HEPH: variants seen among roughly 807,000 people sequenced by gnomAD.
The protein encoded by HEPH is hephaestin.
A neutral mutation model predicts 80.8 loss-of-function variants in HEPH; 69 were observed. The ratio of observed to expected loss-of-function variants is 0.85; its 90% CI spans 0.70 to 1.04. HEPH has a LOEUF of 1.04. HEPH is among the 50% of genes least tolerant of loss of function. The pLI, the probability that HEPH is intolerant of heterozygous loss-of-function variation, is 0.00. For missense variants in HEPH, 1,115 were observed against 891.3 expected (o/e 1.25, Z -3.20); for synonymous variants, 431 against 322.8 (o/e 1.34, Z -3.60).
In HEPH at chrX:66,258,834, T is replaced by G; in HGVS notation, c.2897-6T>G. The G allele has an allele frequency of 3.5e-6, 4 of 1,131,751 alleles. No individual in the cohort carries two copies. Among genetic ancestry groups the G allele is most frequent in the Non-Finnish European group, 3.5e-6 (3 of 859,405 alleles). The allele number at this position is 1,131,751 out of a possible 1,213,427, so 93.3% of individuals were successfully genotyped here. On this transcript the variant is annotated splice_polypyrimidine_tract_variant and splice_region_variant and intron_variant, in intron 17 of 20. Transcript: ENST00000343002. ...TCTTTTCTTTTCTTTTCTTTTTTTT[T>G]GACAGCAATCAATGGGAAACTCTAT...
chrX:66,230,394 A>AGTGTAAG (rs1165466946), intron 15 of HEPH, among the ~76,000 whole-genome samples: 1 of 105,011 alleles, frequency 9.5e-6, no homozygotes, highest in Non-Finnish European at 1.9e-5. Flanking sequence ...TCCCACCAAC[A>AGTGTAAG]GTGTAAGAGT....
chrX:66,206,407 G>A, intron 13 of HEPH, among the ~76,000 whole-genome samples: 1 of 77,889 alleles, frequency 1.3e-5, no homozygotes, highest in Non-Finnish European at 2.3e-5. Flanking sequence ...CTGTTGCCCA[G>A]GCTGGAGTGC....
chrX:66,247,253 T>A (rs1462459001), intron 15 of HEPH, among the ~76,000 whole-genome samples: 1 of 109,942 alleles, frequency 9.1e-6, no homozygotes, highest in Non-Finnish European at 1.9e-5. Flanking sequence ...GTTTCAGATG[T>A]TTTTTCTCCT....
rs2088583910 is a variant in HEPH at position 66,203,453 on chromosome X, G to T, written c.2167G>T (p.Ala723Ser). The T allele has an allele frequency of 8.3e-7, 1 of 1,208,180 alleles. No homozygotes were observed. Among genetic ancestry groups the T allele is most frequent in the Admixed American group, 2.2e-5 (1 of 45,638 alleles). The change falls in exon 13 of 21, where the codon GCC becomes TCC. Residue 723 changes from alanine (A) to serine (S), a missense_variant. Around this residue, in one of 3 missense-constraint regions of HEPH, gnomAD observed 716 missense variants for 523.5 expected, o/e 1.37. Coordinates refer to ENST00000343002, the MANE Select transcript of HEPH (RefSeq NM_001367233.3). ...TGTCTCCCAGTGTCCTGGCCACCAA[G>T]CCACCCCTCGCCAACGCTACCAAGC... ...YNVSQCPGHQ[A>S]TPRQRYQAAR...
chrX:66,170,874 G>A, intron 2 of HEPH, 137 bp downstream of exon 2: 1 of 501,728 alleles, frequency 2.0e-6, no homozygotes, highest in South Asian at 3.5e-5. Context: ...CATACTCAGT[G>A]GCAGATTTCC....
At chrX:66,263,595 G>A (rs1385554941) in intron 19 of HEPH, 49 bp from the exon 20 acceptor site, 2 of 1,188,372 alleles carry the variant, frequency 1.7e-6, no homozygotes, top group East Asian at 6.0e-5. Context: ...CTATGGATTG[G>A]TAGGAAGAAC....
intron 8 of HEPH, among the ~76,000 whole-genome samples, chrX:66,193,988 A>T (rs1339117099): frequency 8.9e-6 from 1 of 111,732 alleles, no homozygotes; most frequent in African/African-American, 3.3e-5. Flanking sequence ...AAAGGGCTAT[A>T]TAAGGAAGTA....
chrX:66,197,784 C>T lies in HEPH; in HGVS notation c.1603C>T (p.Leu535Phe). Residue 535 changes from leucine (L) to phenylalanine (F), a missense_variant, in exon 10 of 21, where the codon CTC becomes TTC. By Grantham distance (22) the Leu-to-Phe change is conservative. This residue lies in a region of HEPH where 716 missense variants were observed against 523.5 expected (regional missense o/e 1.37). Coordinates refer to ENST00000343002, the MANE Select transcript of HEPH (RefSeq NM_001367233.3). ...AGPTAQDPAC[L>F]TWMYFSAADP... ...TCCCACTGCTCAGGATCCTGCTTGT[C>T]TCACTTGGATGTACTTCTCTGCTGC... 8.3e-7 allele frequency: 1 copy of T among 1,211,388 alleles called. No homozygotes were observed. The highest frequency in any genetic ancestry group is 1.1e-6 in the Non-Finnish European group (1 of 895,086).
intron 4 of HEPH, among the ~76,000 whole-genome samples, chrX:66,186,528 C>T (rs936566686): frequency 7.1e-5 from 8 of 113,005 alleles, no homozygotes; most frequent in Non-Finnish European, 1.1e-4. Flanking sequence ...CCTTGTGCTT[C>T]CCGGTGAGGC....
intron 4 of HEPH, among the ~76,000 whole-genome samples, chrX:66,187,313 G>A (rs1174033433): frequency 9.1e-6 from 1 of 110,236 alleles, no homozygotes; most frequent in South Asian, 3.9e-4. Flanking sequence ...TGATTTTTTT[G>A]GGGTGTTAAA....
intron 15 of HEPH, among the ~76,000 whole-genome samples, chrX:66,229,226 A>G (rs1273380237): frequency 1.8e-5 from 2 of 112,469 alleles, no homozygotes; most frequent in Non-Finnish European, 3.8e-5. Context: ...ATAGATATAT[A>G]GATATAGATG....
Position 66,198,871 on chromosome X carries a change from C to G in HEPH, c.1714-7C>G, listed in dbSNP as rs754914363. Reference sequence around the variant, plus strand: ...ATTCCCTCTACTTTCTTCTATTGGGCCTGCAGAAAGGGGTGGATAAAGAAT... The same window carrying G: ...ATTCCCTCTACTTTCTTCTATTGGGGCTGCAGAAAGGGGTGGATAAAGAAT... On this transcript the variant is annotated splice_polypyrimidine_tract_variant and splice_region_variant and intron_variant, in intron 10 of 20. Coordinates refer to ENST00000343002, the MANE Select transcript of HEPH (RefSeq NM_001367233.3). 2.6e-6 allele frequency: 3 copies of G among 1,176,149 alleles called. No homozygotes were observed. In the South Asian group the frequency reaches 5.4e-5, roughly 21 times the overall value.
intron 15 of HEPH, among the ~76,000 whole-genome samples, chrX:66,251,724 T>C (rs1273013055): frequency 8.9e-6 from 1 of 111,793 alleles, no homozygotes; most frequent in East Asian, 2.8e-4. Flanking sequence ...ACTGCAAGTG[T>C]AAATACCTTG....
At chrX:66,241,550 G>A (rs1350731735) in intron 15 of HEPH, among the ~76,000 whole-genome samples, 2 of 111,484 alleles carry the variant, frequency 1.8e-5, no homozygotes, top group African/African-American at 3.3e-5. Flanking sequence ...AATTCAACAG[G>A]AAGACATAAC....
intron 10 of HEPH, among the ~76,000 whole-genome samples, chrX:66,198,114 C>A (rs2088206521): frequency 9.0e-6 from 1 of 111,229 alleles, no homozygotes; most frequent in Non-Finnish European, 1.9e-5. Flanking sequence ...GCAGATAATT[C>A]ATGATATCCT....
rs199621697 is a variant in HEPH at position 66,228,668 on chromosome X, TCAAA to T, written c.2563+20427_2563+20430del. ...TTAATATCTGGAATCTACAAGGAAC[TCAAA>T]CAAATCAGCAAGAAAAAAAATCCCA... On this transcript the variant is annotated intron_variant, in intron 15 of 20. Transcript: ENST00000343002. Among the ~76,000 whole-genome samples, 968 of 111,271 alleles carry T rather than the reference TCAAA, an allele frequency of 8.7e-3. 12 individuals are homozygous for T. The highest frequency in any genetic ancestry group is 0.03 in the African/African-American group (925 of 30,586).
At chrX:66,204,138 AAG>A (rs1209364467) in intron 13 of HEPH, among the ~76,000 whole-genome samples, 1 of 112,072 alleles carries the variant, frequency 8.9e-6, no homozygotes, top group Non-Finnish European at 1.9e-5. Context: ...GAAAGAAAGA[AAG>A]AAGTCCAGGG....
At chrX:66,231,784 A>G (rs1353107493) in intron 15 of HEPH, among the ~76,000 whole-genome samples, 6 of 105,827 alleles carry the variant, frequency 5.7e-5, no homozygotes, top group Admixed American at 2.0e-4. Context: ...TCTCCTGCCT[A>G]ATTGCCCTGG....
At chrX:66,234,334 G>A (rs1467586574) in intron 15 of HEPH, among the ~76,000 whole-genome samples, 2 of 111,129 alleles carry the variant, frequency 1.8e-5, no homozygotes, top group Admixed American at 9.6e-5. Flanking sequence ...GGGCATTTCA[G>A]ATGACTCTGT....
Sources: allele counts gnomAD v4.1 joint callset (sites outside exome capture counted in the v4.1 genomes callset), GRCh38; gene constraint gnomAD v4.1.1; regional missense constraint gnomAD v4.1.1; transcripts MANE v1.5; gene names NCBI Gene and HGNC (gene_info 2026-07-23, HGNC 2026-07-21).